MAP4K5: variants seen among roughly 807,000 people sequenced by gnomAD.
The protein encoded by MAP4K5 is MAPK/ERK kinase kinase kinase 5.
In MAP4K5, 82 loss-of-function variants were observed where a neutral mutation model predicts 135.6. The ratio of observed to expected loss-of-function variants is 0.60; its 90% CI spans 0.51 to 0.73. The LOEUF is 0.73. Ranked by LOEUF, MAP4K5 falls within the 30% of genes least tolerant of loss-of-function variation. The probability of loss-of-function intolerance (pLI) is 0.00; values close to 1 mark genes in which losing one functional copy is unlikely to be tolerated. For missense variants in MAP4K5, 907 were observed against 1,010.9 expected (o/e 0.90, Z 1.39); for synonymous variants, 347 against 335.0 (o/e 1.04, Z -0.39).
intron 3 of MAP4K5, among the ~76,000 whole-genome samples, chr14:50,495,094 T>A (rs1328367891): frequency 6.6e-6 from 1 of 152,088 alleles, no homozygotes; most frequent in Non-Finnish European, 1.5e-5. Context: ...ATTTAAAAAA[T>A]TTTGTTCACC....
intron 3 of MAP4K5, among the ~76,000 whole-genome samples, chr14:50,498,965 T>C (rs1480097023): frequency 6.6e-6 from 1 of 152,202 alleles, no homozygotes; most frequent in Non-Finnish European, 1.5e-5. Context: ...TCCAAAATTA[T>C]TTGAAGTATC....
intron 3 of MAP4K5, among the ~76,000 whole-genome samples, chr14:50,502,535 A>T (rs1224296578): frequency 6.6e-6 from 1 of 152,132 alleles, no homozygotes; most frequent in Non-Finnish European, 1.5e-5. Context: ...AATAAGAAAA[A>T]ACCTTTACTA....
intron 2 of MAP4K5, 185 bp from the exon 3 acceptor site, chr14:50,505,042 A>C (rs1455182603): frequency 2.2e-6 from 1 of 451,444 alleles, no homozygotes; most frequent in Non-Finnish European, 3.8e-6. Context: ...AAGACACAAA[A>C]GTGTTTAAAA....
chr14:50,476,096 G>T, intron 8 of MAP4K5, 32 bp downstream of exon 8: 3 of 1,294,698 alleles, frequency 2.3e-6, no homozygotes, highest in Non-Finnish European at 3.1e-6. Flanking sequence ...TTAAATTTTT[G>T]GAAAAAATTT....
intron 9 of MAP4K5, among the ~76,000 whole-genome samples, chr14:50,474,717 T>C (rs1339944737): frequency 1.3e-5 from 2 of 152,166 alleles, no homozygotes; most frequent in Non-Finnish European, 2.9e-5. Flanking sequence ...CTAGACATCC[T>C]GCACATGTAC....
At chr14:50,529,953 T>C (rs1357230764) in intron 2 of MAP4K5, among the ~76,000 whole-genome samples, 1 of 152,150 alleles carries the variant, frequency 6.6e-6, no homozygotes, top group East Asian at 1.9e-4. Flanking sequence ...AAGGCTTTCA[T>C]GGACAGGTAT....
intron 3 of MAP4K5, among the ~76,000 whole-genome samples, chr14:50,492,065 C>G (rs532265887): frequency 6.6e-6 from 1 of 152,224 alleles, no homozygotes; most frequent in African/African-American, 2.4e-5. Context: ...GTTATTTCAT[C>G]AAATATCAAC....
intron 1 of MAP4K5, chr14:50,560,279 G>T: frequency 6.2e-7 from 1 of 1,613,970 alleles, no homozygotes; most frequent in South Asian, 1.1e-5. Flanking sequence ...GCCAAGAACC[G>T]CAGGGACAGA....
intron 1 of MAP4K5, among the ~76,000 whole-genome samples, chr14:50,555,078 A>G (rs1309417551): frequency 1.3e-5 from 2 of 152,142 alleles, no homozygotes; most frequent in African/African-American, 2.4e-5. Context: ...TTGAGTGGAG[A>G]TGATGTGTGC....
intron 20 of MAP4K5, among the ~76,000 whole-genome samples, chr14:50,443,070 C>T (rs2036262837): frequency 6.6e-6 from 1 of 152,080 alleles, no homozygotes; most frequent in Admixed American, 6.5e-5. Flanking sequence ...ACATCAATAA[C>T]ATAGTCTAGG....
At chr14:50,507,761 T>C (rs2037842459) in intron 2 of MAP4K5, among the ~76,000 whole-genome samples, 1 of 152,150 alleles carries the variant, frequency 6.6e-6, no homozygotes, top group Non-Finnish European at 1.5e-5. Flanking sequence ...GAGTGCTTTA[T>C]TTCCAACTAT....
chr14:50,548,297 C>T (rs1232741700), intron 1 of MAP4K5, among the ~76,000 whole-genome samples: 1 of 152,074 alleles, frequency 6.6e-6, no homozygotes, highest in East Asian at 1.9e-4. Flanking sequence ...CATTGTACAC[C>T]CTAATGAAGA....
chr14:50,441,743 TACAC>T (rs57651486), intron 21 of MAP4K5, among the ~76,000 whole-genome samples: 5,995 of 141,402 alleles, frequency 0.042, 189 homozygotes, highest in East Asian at 0.17. Flanking sequence ...AATTATTTTA[TACAC>T]ACACACACAC....
At chr14:50,559,915 C>CT (rs1174056942) in intron 1 of MAP4K5, 1 of 365,198 alleles carries the variant, frequency 2.7e-6, no homozygotes. Context: ...CTGTTAAATT[C>CT]TTTGAGAGTG....
intron 3 of MAP4K5, among the ~76,000 whole-genome samples, chr14:50,504,000 G>GA (rs1174259924): frequency 1.3e-5 from 2 of 151,456 alleles, no homozygotes. Context: ...TATTTGCCAG[G>GA]ACAAAAAAGA....
At chr14:50,488,855 C>T (rs1412188532) in intron 3 of MAP4K5, among the ~76,000 whole-genome samples, 1 of 152,162 alleles carries the variant, frequency 6.6e-6, no homozygotes, top group East Asian at 1.9e-4. Context: ...TTATTTGAAA[C>T]TTTAATGCAA....
intron 3 of MAP4K5, among the ~76,000 whole-genome samples, chr14:50,488,168 C>T (rs6572672): frequency 0.13 from 19,109 of 152,044 alleles, 2,584 homozygotes; most frequent in African/African-American, 0.34. Context: ...AAGTCTGACA[C>T]TGTGGCAGGT....
At chr14:50,445,217 G>C (rs752889246) in intron 17 of MAP4K5, 23 bp from the exon 18 acceptor site, 1 of 1,608,548 alleles carries the variant, frequency 6.2e-7, no homozygotes, top group Non-Finnish European at 8.5e-7. Flanking sequence ...AGACAAAAAA[G>C]TACTTTAACA....
chr14:50,483,956 G>C (rs1013409540), intron 5 of MAP4K5, among the ~76,000 whole-genome samples: 10 of 151,922 alleles, frequency 6.6e-5, no homozygotes, highest in African/African-American at 2.4e-4. Flanking sequence ...CGCCTCCTGG[G>C]TGCAAGTGAT....
Sources: allele counts gnomAD v4.1 joint callset (sites outside exome capture counted in the v4.1 genomes callset), GRCh38; gene constraint gnomAD v4.1.1; transcripts MANE v1.5; gene names NCBI Gene and HGNC (gene_info 2026-07-23, HGNC 2026-07-21).